PARD3: variants seen among roughly 807,000 people sequenced by gnomAD.
The protein encoded by PARD3 is par-3 family cell polarity regulator, also known as partitioning defective 3 homolog.
PARD3 carries 75 observed loss-of-function variants against 155.4 expected under a neutral mutation model. The observed-to-expected ratio is 0.48, with a 90% confidence interval of 0.40 to 0.58. PARD3 has a LOEUF of 0.58. PARD3 is among the 20% of genes least tolerant of loss of function. PARD3 has a pLI of 0.00. For synonymous variants in PARD3, 576 were observed against 610.5 expected (o/e 0.94, Z 0.83); for missense variants, 1,642 against 1,721.7 (o/e 0.95, Z 0.82).
intron 2 of PARD3, among the ~76,000 whole-genome samples, chr10:34,546,582 C>CT (rs1373854991): frequency 6.6e-6 from 1 of 151,568 alleles, no homozygotes; most frequent in East Asian, 1.9e-4. Flanking sequence ...GTCACCCGGG[C>CT]TGGCCTGGCA....
chr10:34,115,421 A>G (rs1946614780), intron 24 of PARD3, among the ~76,000 whole-genome samples: 1 of 152,086 alleles, frequency 6.6e-6, no homozygotes, highest in Non-Finnish European at 1.5e-5. Flanking sequence ...TGCCTTTTGG[A>G]TATTAAGGAA....
At chr10:34,732,270 T>C (rs970382670) in intron 1 of PARD3, among the ~76,000 whole-genome samples, 1 of 152,210 alleles carries the variant, frequency 6.6e-6, no homozygotes, top group Admixed American at 6.5e-5. Context: ...TCTTCTCAAG[T>C]ACATGCAAAA....
intron 1 of PARD3, among the ~76,000 whole-genome samples, chr10:34,807,847 G>A (rs981725853): frequency 3.9e-5 from 6 of 152,162 alleles, no homozygotes; most frequent in African/African-American, 1.4e-4. Flanking sequence ...AATATGAGTT[G>A]ATGGAGAAAA....
chr10:34,225,003 G>A (rs1053031611), intron 22 of PARD3, among the ~76,000 whole-genome samples: 4 of 151,984 alleles, frequency 2.6e-5, no homozygotes, highest in Admixed American at 1.3e-4. Context: ...TTTAAATTTT[G>A]AAAGAGAGAC....
At chr10:34,535,109 A>G (rs960125146) in intron 2 of PARD3, among the ~76,000 whole-genome samples, 4 of 152,364 alleles carry the variant, frequency 2.6e-5, no homozygotes, top group African/African-American at 9.6e-5. Context: ...CAACAAAAAA[A>G]TTATGTAACA....
At chr10:34,346,078 G>A in intron 15 of PARD3, 1 of 988,766 alleles carries the variant, frequency 1.0e-6, no homozygotes, top group East Asian at 1.1e-4. Flanking sequence ...AGTGGTAAAA[G>A]GGCATACACA....
chr10:34,398,314 C>T (rs372250888), intron 7 of PARD3, among the ~76,000 whole-genome samples: 36 of 152,282 alleles, frequency 2.4e-4, no homozygotes, highest in African/African-American at 8.4e-4. Context: ...TTTAATCCCA[C>T]ACATCTATCT....
At chr10:34,395,033 T>C (rs1843183956) in intron 7 of PARD3, among the ~76,000 whole-genome samples, 1 of 152,050 alleles carries the variant, frequency 6.6e-6, no homozygotes, top group Non-Finnish European at 1.5e-5. Context: ...ATAAAGAGAT[T>C]ATCTTTCCTA....
chr10:34,752,252 T>G (rs978855354), intron 1 of PARD3, among the ~76,000 whole-genome samples: 2 of 151,240 alleles, frequency 1.3e-5, no homozygotes, highest in African/African-American at 4.9e-5. Flanking sequence ...AAAATAAGTA[T>G]GTGCATTCTT....
chr10:34,484,290 AT>A (rs922781103), intron 3 of PARD3, among the ~76,000 whole-genome samples: 3 of 152,216 alleles, frequency 2.0e-5, no homozygotes, highest in African/African-American at 7.2e-5. Flanking sequence ...CTACAAATAA[AT>A]TTTAGCAAAC....
At chr10:34,559,617 C>G (rs1317081038) in intron 2 of PARD3, among the ~76,000 whole-genome samples, 1 of 152,124 alleles carries the variant, frequency 6.6e-6, no homozygotes, top group Non-Finnish European at 1.5e-5. Context: ...TTTAACATCC[C>G]AACACATCAA....
intron 5 of PARD3, among the ~76,000 whole-genome samples, chr10:34,413,142 TATACACACACACACACAC>T (rs1845276524): frequency 7.5e-6 from 1 of 132,464 alleles, no homozygotes; most frequent in African/African-American, 2.6e-5. Flanking sequence ...TTCAGATATA[TATACACACACACACACAC>T]ACACACACAC....
chr10:34,655,832 C>T (rs1464083440), intron 2 of PARD3, among the ~76,000 whole-genome samples: 1 of 151,982 alleles, frequency 6.6e-6, no homozygotes, highest in East Asian at 1.9e-4. Context: ...CTTTAAATTC[C>T]ACAAACAAGC....
chr10:34,337,393 A>G lies in PARD3; in HGVS notation c.2442T>C (p.Ala814=). 6.2e-7 allele frequency: 1 copy of G among 1,602,742 alleles called. No homozygotes were observed. The highest frequency in any genetic ancestry group is 8.5e-7 in the Non-Finnish European group (1 of 1,175,288). ...SLSPDVDPVL[A]FQREGFGRQS... ...GACGTCCAAATCCTTCTCGTTGAAA[A>G]GCAAGAACTGGATCAACATCTGGAC... Residue 814 remains alanine (A), a synonymous_variant, in exon 17 of 25, where the codon GCT becomes GCC. Transcript: ENST00000374788.
chr10:34,135,571 A>G (rs1308246758), intron 22 of PARD3, among the ~76,000 whole-genome samples: 1 of 152,162 alleles, frequency 6.6e-6, no homozygotes, highest in Non-Finnish European at 1.5e-5. Flanking sequence ...GGATACTACT[A>G]TGTGCTTCCT....
At chr10:34,312,841 T>C (rs563104088) in intron 20 of PARD3, among the ~76,000 whole-genome samples, 1 of 152,318 alleles carries the variant, frequency 6.6e-6, no homozygotes, top group South Asian at 2.1e-4. Flanking sequence ...TACAATTCTA[T>C]GATATTCAAA....
At chr10:34,137,063 C>T (rs118191576) in intron 22 of PARD3, among the ~76,000 whole-genome samples, 3,204 of 152,230 alleles carry the variant, frequency 0.021, 43 homozygotes, top group South Asian at 0.04. Context: ...ATGCACTCCT[C>T]TACCCTTGAA....
intron 15 of PARD3, chr10:34,345,374 T>C: frequency 1.0e-6 from 1 of 985,274 alleles, no homozygotes; most frequent in Non-Finnish European, 1.2e-6. Context: ...GATTACTCCA[T>C]ATGAAAATTC....
intron 5 of PARD3, among the ~76,000 whole-genome samples, chr10:34,431,910 C>T (rs1213157548): frequency 2.1e-5 from 3 of 145,634 alleles, no homozygotes; most frequent in Non-Finnish European, 4.5e-5. Context: ...GGCGTGGTGG[C>T]GGGCACCTGT....
Sources: allele counts gnomAD v4.1 joint callset (sites outside exome capture counted in the v4.1 genomes callset), GRCh38; gene constraint gnomAD v4.1.1; transcripts MANE v1.5; gene names NCBI Gene and HGNC (gene_info 2026-07-23, HGNC 2026-07-21).